The following TNS1 variants were observed in gnomAD, a reference collection of about 807,000 sequenced individuals.
TNS1 encodes the protein tensin-1.
Under a neutral mutation model 168.6 loss-of-function variants are expected in TNS1, and 62 were observed. The observed-to-expected ratio is 0.37, with a 90% CI of 0.30 to 0.45. The LOEUF is 0.45. Ranked by LOEUF, TNS1 falls within the 20% of genes least tolerant of loss-of-function variation. TNS1 has a pLI of 1.00. For synonymous variants in TNS1, 934 were observed against 933.2 expected (o/e 1.00, Z -0.02); for missense variants, 2,240 against 2,339.4 (o/e 0.96, Z 0.88).
At chr2:217,824,788 C>T (rs966428139) in intron 22 of TNS1, among the ~76,000 whole-genome samples, 2 of 152,154 alleles carry the variant, frequency 1.3e-5, no homozygotes, top group Admixed American at 6.5e-5. Flanking sequence ...CCAGACCCTT[C>T]CAGGCACTCA....
chr2:217,808,740 G>C (rs1939752580), intron 30 of TNS1, 69 bp from the exon 31 acceptor site: 1 of 1,442,482 alleles, frequency 6.9e-7, no homozygotes. Context: ...CCTTCCACCA[G>C]CAGGTCAGGC....
At chr2:218,028,835 G>C (rs2106015349) in intron 1 of TNS1, among the ~76,000 whole-genome samples, 1 of 152,316 alleles carries the variant, frequency 6.6e-6, no homozygotes, top group South Asian at 2.1e-4. Context: ...TGGCCCCTAA[G>C]CATAGCCTGG....
intron 3 of TNS1, among the ~76,000 whole-genome samples, chr2:217,962,431 G>A (rs186802202): frequency 2.0e-5 from 3 of 152,088 alleles, no homozygotes; most frequent in Non-Finnish European, 2.9e-5. Context: ...CAACAGGAGC[G>A]AAACTCCATC....
At chr2:217,837,023 A>T (rs1329586069) in intron 19 of TNS1, among the ~76,000 whole-genome samples, 2 of 152,062 alleles carry the variant, frequency 1.3e-5, no homozygotes, top group Admixed American at 1.3e-4. Context: ...GGGCTGAGGC[A>T]CGGAATCCAT....
At chr2:218,009,545 C>A (rs1368650925) in intron 1 of TNS1, among the ~76,000 whole-genome samples, 1 of 151,474 alleles carries the variant, frequency 6.6e-6, no homozygotes, top group African/African-American at 2.4e-5. Flanking sequence ...CCCTCCCTGG[C>A]GCCCCAGCCC....
In TNS1 at chr2:217,818,154, C is replaced by G; in HGVS notation, c.4178G>C (p.Ser1393Thr). ...HQGNLASGLHSNAIASPGSPS... is the reference protein window; with the variant it reads ...HQGNLASGLHTNAIASPGSPS... ...GCTTCCAGGGCTGGCTATTGCATTG[C>G]TATGAAGACCGGAGGCCAGGTTGCC... Residue 1393 changes from serine to threonine, a missense_variant, in exon 24 of 33, where the codon AGC becomes ACC. Physicochemically the swap from Ser to Thr is moderately conservative, Grantham distance 58 (BLOSUM62 1). This residue lies in a region of TNS1 where 2,131 missense variants were observed against 2,171.2 expected (regional missense o/e 0.98). Transcript: ENST00000682258. 6.2e-7 allele frequency: 1 copy of G among 1,613,800 alleles called. No homozygotes were observed.
chr2:217,849,655 A>T, intron 18 of TNS1: 1 of 985,188 alleles, frequency 1.0e-6, no homozygotes, highest in Non-Finnish European at 1.2e-6. Flanking sequence ...CCCCTCCGCC[A>T]CCCCATCTCA....
intron 4 of TNS1, among the ~76,000 whole-genome samples, chr2:217,913,728 C>G (rs1395231053): frequency 6.6e-6 from 1 of 151,932 alleles, no homozygotes; most frequent in Non-Finnish European, 1.5e-5. Context: ...TTTGTGGACT[C>G]CTCCAATATC....
intron 18 of TNS1, among the ~76,000 whole-genome samples, chr2:217,874,023 A>ACAC (rs1950003345): frequency 1.8e-5 from 2 of 111,478 alleles, no homozygotes; most frequent in East Asian, 2.6e-4. Flanking sequence ...CCCCCCAACC[A>ACAC]ACACACACAC....
intron 4 of TNS1, among the ~76,000 whole-genome samples, chr2:217,909,189 G>A (rs889656605): frequency 1.3e-5 from 2 of 149,934 alleles, no homozygotes; most frequent in African/African-American, 4.9e-5. Flanking sequence ...TCATTCCCAC[G>A]TGGAGACCTG....
chr2:217,913,058 C>G lies in TNS1; in HGVS notation c.229-5807G>C, dbSNP rs182189204. 3.1e-3 allele frequency among the ~76,000 whole-genome samples: 471 copies of G among 152,296 alleles called. 3 individuals are homozygous for G. The highest frequency in any genetic ancestry group is 0.011 in the African/African-American group (455 of 41,548). ...ACCTCCCAGAGCCCTGTGCTCTCCCCTCGCTCAGTCTTGAGGAAGTGGGAG... is the reference window on the plus strand; with the variant it reads ...ACCTCCCAGAGCCCTGTGCTCTCCCGTCGCTCAGTCTTGAGGAAGTGGGAG... On this transcript the variant is annotated intron_variant, in intron 4 of 32. Coordinates refer to ENST00000682258, the MANE Select transcript of TNS1 (RefSeq NM_001387777.1).
intron 1 of TNS1, among the ~76,000 whole-genome samples, chr2:218,031,057 T>C (rs1958888891): frequency 6.8e-6 from 1 of 146,130 alleles, no homozygotes; most frequent in African/African-American, 2.8e-5. Context: ...TGTGAGCATA[T>C]GTGTGAGTGT....
intron 18 of TNS1, among the ~76,000 whole-genome samples, chr2:217,863,204 A>G (rs1948951361): frequency 6.6e-6 from 1 of 152,144 alleles, no homozygotes; most frequent in African/African-American, 2.4e-5. Flanking sequence ...GAAGGAGGAA[A>G]CAGAACAGAG....
intron 1 of TNS1, among the ~76,000 whole-genome samples, chr2:218,008,128 T>C (rs1169731146): frequency 1.3e-5 from 2 of 152,076 alleles, no homozygotes; most frequent in African/African-American, 2.4e-5. Flanking sequence ...CCCCTTCCCC[T>C]ACCGCCCCTT....
chr2:217,984,768 C>T (rs866595960), intron 2 of TNS1, among the ~76,000 whole-genome samples: 4,725 of 134,340 alleles, frequency 0.035, 211 homozygotes, highest in African/African-American at 0.12. Flanking sequence ...TTTTTTTTTT[C>T]CCCCCAAGAC....
At chr2:217,901,104 A>T (rs187543800) in intron 6 of TNS1, among the ~76,000 whole-genome samples, 108 of 152,262 alleles carry the variant, frequency 7.1e-4, no homozygotes, top group African/African-American at 2.4e-3. Flanking sequence ...GACAGTAACC[A>T]TCTCACCCAC....
chr2:217,916,933 G>A (rs182870619), intron 4 of TNS1, among the ~76,000 whole-genome samples: 313 of 152,352 alleles, frequency 2.1e-3, no homozygotes, highest in Non-Finnish European at 3.6e-3. Context: ...AGGCCGGAGA[G>A]CAGCCTACCG....
intron 1 of TNS1, among the ~76,000 whole-genome samples, chr2:218,015,799 G>T (rs556418700): frequency 1.3e-5 from 2 of 152,272 alleles, no homozygotes; most frequent in Admixed American, 1.3e-4. Flanking sequence ...GATCCATGGG[G>T]ATCCCACAGG....
At chr2:217,954,581 A>C (rs1191652503) in intron 3 of TNS1, among the ~76,000 whole-genome samples, 1 of 152,172 alleles carries the variant, frequency 6.6e-6, no homozygotes, top group Non-Finnish European at 1.5e-5. Context: ...CTAGGGAGTG[A>C]TCAAGGCAGG....
Sources: allele counts gnomAD v4.1 joint callset (sites outside exome capture counted in the v4.1 genomes callset), GRCh38; gene constraint gnomAD v4.1.1; regional missense constraint gnomAD v4.1.1; transcripts MANE v1.5; gene names NCBI Gene and HGNC (gene_info 2026-07-23, HGNC 2026-07-21).